HMCN1: variants seen among roughly 807,000 people sequenced by gnomAD.
The protein encoded by HMCN1 is hemicentin-1.
HMCN1 carries 321 observed loss-of-function variants against 625.9 expected under a neutral mutation model. The ratio of observed to expected loss-of-function variants is 0.51; its 90% CI spans 0.47 to 0.56. HMCN1 has a LOEUF of 0.56. Ranked by LOEUF, HMCN1 falls within the 20% of genes least tolerant of loss-of-function variation. The probability of loss-of-function intolerance (pLI) is 0.00; values close to 1 mark genes in which losing one functional copy is unlikely to be tolerated. For missense variants in HMCN1, 6,588 were observed against 6,887.3 expected (o/e 0.96, Z 1.54); for synonymous variants, 2,425 against 2,417.6 (o/e 1.00, Z -0.09).
intron 63 of HMCN1, among the ~76,000 whole-genome samples, chr1:186,089,032 A>G (rs1280060963): frequency 6.6e-6 from 1 of 151,982 alleles, no homozygotes; most frequent in Non-Finnish European, 1.5e-5. Flanking sequence ...GTATATATCT[A>G]TGGAGTTATA....
chr1:185,955,375 A>G (rs370494794), intron 11 of HMCN1, among the ~76,000 whole-genome samples: 20 of 152,328 alleles, frequency 1.3e-4, no homozygotes, highest in African/African-American at 4.8e-4. Context: ...AGCAATGCAT[A>G]GAGAAAAAAA....
chr1:186,018,184 T>C lies in HMCN1; in HGVS notation c.5302T>C (p.Trp1768Arg). 1 of 1,611,530 alleles carries C rather than the reference T, an allele frequency of 6.2e-7. No homozygotes were observed. Among genetic ancestry groups the C allele is most frequent in the South Asian group, 1.1e-5 (1 of 91,026 alleles). The part of the protein sequence containing the change: ...VTGSPPPTIM[W>R]LKDGQLIDER... ...ACTTCCTTTTGCCTTTTTCTATAGG[T>C]GGCTGAAGGATGGCCAGTTAATTGA... Residue 1768 changes from tryptophan to arginine, a missense_variant and splice_region_variant, in exon 34 of 107, where the codon TGG (tryptophan) becomes CGG (arginine). Trp to Arg is a moderately radical substitution (Grantham distance 101). Around this residue, in one of 3 missense-constraint regions of HMCN1, gnomAD observed 4,628 missense variants for 4,853.1 expected, o/e 0.95. Transcript: ENST00000271588.
chr1:185,953,020 G>C lies in HMCN1; in HGVS notation c.1829-9498G>C, dbSNP rs541458082. 1.5e-4 allele frequency among the ~76,000 whole-genome samples: 22 copies of C among 151,442 alleles called. 1 individual carries two copies. In the East Asian group the frequency reaches 2.7e-3, roughly 19 times the overall value. On this transcript the variant is annotated intron_variant, in intron 11 of 106. Transcript: ENST00000271588. Reference sequence around the variant, plus strand: ...AGGGTGTGGAAATAAGGGATTGGGGGGTTTTTGCCCCCTAGAAAAGCGGGA... The same window carrying C: ...AGGGTGTGGAAATAAGGGATTGGGGCGTTTTTGCCCCCTAGAAAAGCGGGA...
intron 57 of HMCN1, among the ~76,000 whole-genome samples, chr1:186,083,656 C>T (rs1659309157): frequency 6.6e-6 from 1 of 152,022 alleles, no homozygotes. Context: ...AATTCTAGCT[C>T]ATTTTGGAAG....
intron 48 of HMCN1, among the ~76,000 whole-genome samples, chr1:186,064,052 G>A (rs1006848225): frequency 1.3e-5 from 2 of 151,992 alleles, no homozygotes; most frequent in Non-Finnish European, 2.9e-5. Flanking sequence ...AAGCAGAGGG[G>A]GGAATGTTTC....
At chr1:186,130,743 C>A in intron 85 of HMCN1, 46 bp downstream of exon 85, 1 of 1,503,124 alleles carries the variant, frequency 6.7e-7, no homozygotes, top group African/African-American at 1.4e-5. Context: ...CCCCCACAGC[C>A]AATACCCCTC....
Position 186,165,116 on chromosome 1 carries a change from C to A in HMCN1, c.15262C>A (p.Arg5088Ser), listed in dbSNP as rs536109375. ...TGCTTTCCTCTCTGTGGTAGGAGATCGCAGTAATCAGTGCCCCTCCGGGTT... is the reference window on the plus strand; with the variant it reads ...TGCTTTCCTCTCTGTGGTAGGAGATAGCAGTAATCAGTGCCCCTCCGGGTT... ...KIHASISKGDRSNQCPSGFTL... is the reference protein window; with the variant it reads ...KIHASISKGDSSNQCPSGFTL... Residue 5088 changes from arginine (R) to serine (S), a missense_variant, in exon 98 of 107, where the codon CGC (arginine) becomes AGC (serine). Coordinates refer to ENST00000271588, the MANE Select transcript of HMCN1 (RefSeq NM_031935.3). The A allele has an allele frequency of 2.5e-6, 4 of 1,613,890 alleles. No homozygotes were observed. The East Asian group carries it at 6.7e-5, about 27-fold the overall frequency.
chr1:185,781,180 C>G (rs956445139), intron 1 of HMCN1, among the ~76,000 whole-genome samples: 13 of 152,098 alleles, frequency 8.5e-5, no homozygotes, highest in South Asian at 4.2e-4. Context: ...TATTTCTGTG[C>G]AATCGGTGGT....
intron 86 of HMCN1, among the ~76,000 whole-genome samples, chr1:186,132,975 C>G (rs1342787580): frequency 6.6e-6 from 1 of 152,096 alleles, no homozygotes; most frequent in Non-Finnish European, 1.5e-5. Flanking sequence ...ATGAACTCAT[C>G]GTTTTTTATA....
intron 82 of HMCN1, among the ~76,000 whole-genome samples, chr1:186,126,032 T>C (rs942969013): frequency 6.6e-6 from 1 of 152,156 alleles, no homozygotes; most frequent in Non-Finnish European, 1.5e-5. Context: ...TGTGGAAATA[T>C]GTGTTTATCA....
chr1:185,828,563 A>T (rs2102283460), intron 1 of HMCN1, among the ~76,000 whole-genome samples: 1 of 152,254 alleles, frequency 6.6e-6, no homozygotes, highest in Non-Finnish European at 1.5e-5. Flanking sequence ...AATATAATTA[A>T]TACACATCTA....
chr1:185,912,216 G>C (rs1343286839), intron 6 of HMCN1, among the ~76,000 whole-genome samples: 1 of 152,158 alleles, frequency 6.6e-6, no homozygotes, highest in Admixed American at 6.6e-5. Flanking sequence ...TTCCTTCTCT[G>C]TCATGTGGAG....
At chr1:185,874,388 G>T (rs930597610) in intron 4 of HMCN1, among the ~76,000 whole-genome samples, 3 of 151,980 alleles carry the variant, frequency 2.0e-5, no homozygotes, top group African/African-American at 7.2e-5. Flanking sequence ...AAGAGTCAAA[G>T]TACAGGAAAT....
intron 1 of HMCN1, among the ~76,000 whole-genome samples, chr1:185,815,432 A>G (rs892335450): frequency 1.3e-5 from 2 of 150,212 alleles, no homozygotes; most frequent in Non-Finnish European, 2.9e-5. Context: ...GATTCTTATA[A>G]GTGGCTACCG....
At chr1:186,132,509 T>TTAGCA in intron 86 of HMCN1, 100 bp downstream of exon 86, 6 of 946,140 alleles carry the variant, frequency 6.3e-6, no homozygotes, top group Non-Finnish European at 8.3e-6. Context: ...TCATTAGTGG[T>TTAGCA]AGCTCTCAGA....
intron 35 of HMCN1, among the ~76,000 whole-genome samples, chr1:186,020,281 A>G (rs1411756883): frequency 7.4e-6 from 1 of 135,088 alleles, no homozygotes; most frequent in African/African-American, 2.9e-5. Flanking sequence ...TAGATTTCAA[A>G]TCTGGATAAT....
intron 11 of HMCN1, among the ~76,000 whole-genome samples, chr1:185,956,490 A>G (rs1422499664): frequency 6.6e-6 from 1 of 152,234 alleles, no homozygotes; most frequent in Non-Finnish European, 1.5e-5. Context: ...TATTACAAAG[A>G]ATACAGATGA....
rs765121670 is a variant in HMCN1 at position 186,001,335 on chromosome 1, T to C, written c.4107T>C (p.Asn1369=). The C allele has an allele frequency of 8.7e-6, 14 of 1,611,938 alleles. No homozygotes were observed. In the Middle Eastern group the frequency reaches 4.9e-4, roughly 57 times the overall value. ...PVIKDKEQVT[N]VSVLLNQLTN... The stretch of plus-strand genomic sequence containing the variant: ...TTAAAGATAAAGAACAAGTTACAAA[T>C]GTGTCGGTGTTGTTAAATCAGCTGA... The change falls in exon 27 of 107, where the codon AAT becomes AAC. Residue 1369 remains asparagine (N), a synonymous_variant. Transcript: ENST00000271588.
rs562902162 is a variant in HMCN1 at position 186,117,246 on chromosome 1, G to T, written c.11683+131G>T. 2.2e-4 allele frequency: 287 copies of T among 1,296,522 alleles called. No individual in the cohort carries two copies. In the African/African-American group the frequency reaches 2.4e-3, roughly 11 times the overall value. 80.3% of individuals were successfully genotyped at this position (1,296,522 alleles called of 1,614,324 possible). ...TTTAAGTTCAGGGGTACACATGCAG[G>T]TTCGTTATATGGGTAAACTAGTGTC... On this transcript the variant is annotated intron_variant, in intron 76 of 106. Transcript: ENST00000271588.
Sources: allele counts gnomAD v4.1 joint callset (sites outside exome capture counted in the v4.1 genomes callset), GRCh38; gene constraint gnomAD v4.1.1; regional missense constraint gnomAD v4.1.1; transcripts MANE v1.5; gene names NCBI Gene and HGNC (gene_info 2026-07-23, HGNC 2026-07-21).